The following ANO4 variants were observed in gnomAD, a reference collection of about 807,000 sequenced individuals.
ANO4 encodes anoctamin 4.
Under a neutral mutation model 141.9 loss-of-function variants are expected in ANO4, and 69 were observed. The ratio of observed to expected loss-of-function variants is 0.49; its 90% CI spans 0.40 to 0.59. The LOEUF is 0.59. Ranked by LOEUF, ANO4 falls within the 20% of genes least tolerant of loss-of-function variation. The probability of loss-of-function intolerance (pLI) is 0.00; values close to 1 mark genes in which losing one functional copy is unlikely to be tolerated. For missense variants in ANO4, 894 were observed against 1,162.2 expected, an observed-to-expected ratio of 0.77 and a Z score of 3.36; for synonymous variants, 350 against 394.3, an observed-to-expected ratio of 0.89 and a Z score of 1.33.
intron 1 of ANO4, among the ~76,000 whole-genome samples, chr12:100,822,638 G>C (rs531353493): frequency 1.3e-5 from 2 of 152,026 alleles, no homozygotes; most frequent in African/African-American, 4.8e-5. Context: ...ATGGTAACTG[G>C]GCATTACCTT....
At chr12:100,844,291 C>T (rs1190119845) in intron 1 of ANO4, among the ~76,000 whole-genome samples, 1 of 152,006 alleles carries the variant, frequency 6.6e-6, no homozygotes, top group Non-Finnish European at 1.5e-5. Flanking sequence ...GGGGAGCATT[C>T]TCTGAGGGGA....
chr12:100,764,214 A>C (rs908392164), intron 3 of ANO4, among the ~76,000 whole-genome samples: 1 of 152,228 alleles, frequency 6.6e-6, no homozygotes, highest in Non-Finnish European at 1.5e-5. Flanking sequence ...GGCAGCTAAT[A>C]TACAGTGCAA....
chr12:100,864,067 T>C (rs1464011356), intron 1 of ANO4, among the ~76,000 whole-genome samples: 3 of 152,194 alleles, frequency 2.0e-5, no homozygotes, highest in Non-Finnish European at 2.9e-5. Flanking sequence ...GGCTGTCTAC[T>C]TTTAGTTGCA....
chr12:101,054,983 G>C (rs1241134215), intron 14 of ANO4, among the ~76,000 whole-genome samples: 2 of 152,152 alleles, frequency 1.3e-5, no homozygotes, highest in African/African-American at 4.8e-5. Flanking sequence ...TTATGCTGTT[G>C]CCTGTGTCAG....
chr12:101,102,843 G>A lies in ANO4; in HGVS notation c.2149+3123G>A, dbSNP rs186768465. Reference sequence around the variant, plus strand: ...TGATGTTTCCCCAGTCCATGAAAATGGTATACCTTTGCATTTATTTATGTC... The same window carrying A: ...TGATGTTTCCCCAGTCCATGAAAATAGTATACCTTTGCATTTATTTATGTC... On this transcript the variant is annotated intron_variant, in intron 22 of 27. Coordinates refer to ENST00000392977, the MANE Select transcript of ANO4 (RefSeq NM_001286615.2). Among the ~76,000 whole-genome samples, 132 of 151,630 alleles carry A rather than the reference G, an allele frequency of 8.7e-4. 1 individual carries two copies. The highest frequency in any genetic ancestry group is 3.1e-3 in the African/African-American group (127 of 41,404).
chr12:100,812,775 G>T (rs1288276562), intron 1 of ANO4, among the ~76,000 whole-genome samples: 1 of 152,180 alleles, frequency 6.6e-6, no homozygotes, highest in Non-Finnish European at 1.5e-5. Flanking sequence ...TCCCTATGAA[G>T]AGTACATTGT....
chr12:100,982,496 G>T (rs1267328007), intron 7 of ANO4, among the ~76,000 whole-genome samples: 1 of 152,188 alleles, frequency 6.6e-6, no homozygotes, highest in African/African-American at 2.4e-5. Flanking sequence ...GAGATTCACA[G>T]ATTTTGAACT....
chr12:100,820,740 G>T (rs1370155571), intron 1 of ANO4, among the ~76,000 whole-genome samples: 2 of 152,056 alleles, frequency 1.3e-5, no homozygotes, highest in East Asian at 3.9e-4. Context: ...AGTGTCTCCT[G>T]AAGGCCTATT....
chr12:100,952,814 G>C (rs145444308), intron 5 of ANO4, among the ~76,000 whole-genome samples: 35 of 152,262 alleles, frequency 2.3e-4, no homozygotes, highest in African/African-American at 7.7e-4. Context: ...AACTGCTTTT[G>C]CTTATTTAGG....
rs150314461 is a variant in ANO4 at position 100,871,234 on chromosome 12, A to G, written c.-140-30412A>G. On this transcript the variant is annotated intron_variant, in intron 1 of 27. Transcript: ENST00000392977. ...GAAGGACAAGATGAGACAAAGAGGT[A>G]TTACATAATTCAGTGTGCCTATGAA... 9.8e-3 allele frequency among the ~76,000 whole-genome samples: 1,495 copies of G among 152,306 alleles called. 10 individuals are homozygous for G. Among genetic ancestry groups the G allele is most frequent in the Non-Finnish European group, 0.015 (1,004 of 68,024 alleles).
chr12:100,990,069 G>A (rs1343715665), intron 8 of ANO4, among the ~76,000 whole-genome samples: 2 of 152,138 alleles, frequency 1.3e-5, no homozygotes, highest in African/African-American at 4.8e-5. Context: ...GAGTGGTTGT[G>A]TAGGTGTATA....
chr12:100,868,322 T>A lies in ANO4; in HGVS notation c.-140-33324T>A, dbSNP rs142123113. ...GAACTTGGTGAGAGGCTAAAATCCT[T>A]ACTATGGTGACTGCATTAGGTCCCA... On this transcript the variant is annotated intron_variant, in intron 1 of 27. Transcript: ENST00000392977. Among the ~76,000 whole-genome samples the A allele has an allele frequency of 3.9e-5, 6 of 152,262 alleles. No individual in the cohort carries two copies. The East Asian group carries it at 1.2e-3, about 29-fold the overall frequency.
chr12:100,981,687 A>G (rs1159787726), intron 7 of ANO4, among the ~76,000 whole-genome samples: 2 of 152,198 alleles, frequency 1.3e-5, no homozygotes, highest in Admixed American at 6.5e-5. Flanking sequence ...ATTAGTGTAC[A>G]GTCCCTCCTG....
intron 15 of ANO4, among the ~76,000 whole-genome samples, chr12:101,080,883 T>TAAAA (rs1491584060): frequency 1.4e-5 from 1 of 74,072 alleles, no homozygotes; most frequent in Non-Finnish European, 3.0e-5. Flanking sequence ...TATATATATA[T>TAAAA]TATATATATA....
intron 13 of ANO4, chr12:101,047,934 A>G: frequency 1.2e-6 from 1 of 868,856 alleles, no homozygotes; most frequent in Non-Finnish European, 1.4e-6. Context: ...CAAAGTGAAT[A>G]AATGAGGCAT....
At chr12:101,066,682 C>T in intron 14 of ANO4, 1 of 656,490 alleles carries the variant, frequency 1.5e-6, no homozygotes, top group South Asian at 1.7e-5. Flanking sequence ...TCGGCGGCCT[C>T]CTCCTGGAGC....
At chr12:100,916,610 G>C (rs1435459590) in intron 2 of ANO4, among the ~76,000 whole-genome samples, 2 of 152,090 alleles carry the variant, frequency 1.3e-5, no homozygotes, top group African/African-American at 4.8e-5. Flanking sequence ...CATTTTCTTT[G>C]TCTGCTTCAT....
intron 18 of ANO4, among the ~76,000 whole-genome samples, chr12:101,095,858 C>T (rs2049961845): frequency 6.6e-6 from 1 of 152,154 alleles, no homozygotes; most frequent in Admixed American, 6.6e-5. Context: ...TTTTGGTTCA[C>T]ACCATTATGT....
chr12:100,800,901 C>T (rs1361899801), intron 1 of ANO4, among the ~76,000 whole-genome samples: 1 of 152,226 alleles, frequency 6.6e-6, no homozygotes, highest in Non-Finnish European at 1.5e-5. Flanking sequence ...TCTCACTTGC[C>T]TCAGTGCCTT....
Sources: gnomAD v4.1 joint callset for allele counts (sites outside exome capture counted in the v4.1 genomes callset) on GRCh38, gnomAD v4.1.1 for gene constraint, MANE v1.5 for transcripts, NCBI Gene and HGNC (gene_info 2026-07-23, HGNC 2026-07-21) for gene names.